OCIAD1: variants seen among roughly 807,000 people sequenced by gnomAD.
OCIAD1 encodes OCIA domain containing 1, also known as OCIA domain-containing protein 1.
Under a neutral mutation model 38.9 loss-of-function variants are expected in OCIAD1, and 29 were observed. The observed-to-expected ratio is 0.74, with a 90% CI of 0.55 to 1.02. OCIAD1 has a LOEUF of 1.02. OCIAD1 is among the 50% of genes least tolerant of loss of function. The pLI, the probability that OCIAD1 is intolerant of heterozygous loss-of-function variation, is 0.00. For missense variants in OCIAD1, 288 were observed against 289.6 expected (o/e 0.99, Z 0.04); for synonymous variants, 110 against 92.0 (o/e 1.20, Z -1.12).
At chr4:48,854,560 A>G (rs1779835598) in intron 7 of OCIAD1, among the ~76,000 whole-genome samples, 1 of 152,164 alleles carries the variant, frequency 6.6e-6, no homozygotes, top group Admixed American at 6.5e-5. Context: ...ATTCTGTTAT[A>G]TAGTTTTTTT....
At chr4:48,814,462 A>T (rs1411751223) in intron 1 of OCIAD1, among the ~76,000 whole-genome samples, 1 of 152,046 alleles carries the variant, frequency 6.6e-6, no homozygotes, top group Non-Finnish European at 1.5e-5. Context: ...GTTTGAATGC[A>T]ATACTCAGAA....
chr4:48,847,807 C>A (rs1267751121), intron 4 of OCIAD1, among the ~76,000 whole-genome samples: 1 of 152,162 alleles, frequency 6.6e-6, no homozygotes, highest in Non-Finnish European at 1.5e-5. Context: ...TGGTGGTAGT[C>A]AGTTCTATAA....
intron 1 of OCIAD1, among the ~76,000 whole-genome samples, chr4:48,806,292 A>G (rs2078819341): frequency 6.6e-6 from 1 of 152,190 alleles, no homozygotes; most frequent in African/African-American, 2.4e-5. Flanking sequence ...ATAAATTTGG[A>G]AAAACATTTT....
intron 1 of OCIAD1, among the ~76,000 whole-genome samples, chr4:48,817,254 C>CA (rs1480743095): frequency 6.6e-6 from 1 of 152,200 alleles, no homozygotes; most frequent in Non-Finnish European, 1.5e-5. Context: ...GGTTACTACA[C>CA]TTTTTCCACG....
At chr4:48,819,487 CAATT>C (rs1466308928) in intron 1 of OCIAD1, among the ~76,000 whole-genome samples, 2 of 151,984 alleles carry the variant, frequency 1.3e-5, no homozygotes, top group African/African-American at 4.8e-5. Flanking sequence ...GAAACTGCAT[CAATT>C]AATGTGCAAA....
chr4:48,849,491 C>T (rs1487906887), intron 5 of OCIAD1, among the ~76,000 whole-genome samples: 1 of 152,030 alleles, frequency 6.6e-6, no homozygotes, highest in Non-Finnish European at 1.5e-5. Flanking sequence ...CCTAATTTTA[C>T]TTTAAAACAA....
intron 1 of OCIAD1, among the ~76,000 whole-genome samples, chr4:48,808,184 C>A (rs1321441419): frequency 1.3e-5 from 2 of 152,040 alleles, no homozygotes; most frequent in Admixed American, 6.6e-5. Context: ...AGACATGGGG[C>A]TAGCCAAGTA....
rs1778627163 is a variant in OCIAD1 at position 48,842,507 on chromosome 4, G to A, written c.140-129G>A. On this transcript the variant is annotated intron_variant, in intron 3 of 8. Coordinates refer to ENST00000264312, the MANE Select transcript of OCIAD1 (RefSeq NM_017830.4). ...CAGTACAGCTTTTAAAAATGGAACA[G>A]TCTTTTTTAAAGGTCTTAGTTATGC... is the stretch of plus-strand genomic sequence containing the variant. 4.7e-6 allele frequency: 3 copies of A among 642,142 alleles called. No homozygotes were observed. In the African/African-American group the frequency reaches 5.7e-5, roughly 12 times the overall value. 39.8% of individuals were successfully genotyped at this position (642,142 alleles called of 1,614,324 possible). A position where few individuals can be genotyped will look rare whatever the true frequency, so the allele number is the denominator to read the frequency against.
intron 3 of OCIAD1, among the ~76,000 whole-genome samples, chr4:48,839,435 C>CAAA (rs34347200): frequency 0.014 from 1,722 of 119,090 alleles, 28 homozygotes; most frequent in Non-Finnish European, 0.018. Context: ...GACTTCATCT[C>CAAA]AAAAAAAAAA....
intron 6 of OCIAD1, 106 bp downstream of exon 6, chr4:48,850,188 C>A: frequency 1.7e-6 from 2 of 1,177,988 alleles, no homozygotes; most frequent in Non-Finnish European, 2.5e-6. Context: ...CCACTGGATA[C>A]TTGCCATTTG....
intron 1 of OCIAD1, among the ~76,000 whole-genome samples, chr4:48,806,407 T>C (rs1174482368): frequency 6.6e-6 from 1 of 152,224 alleles, no homozygotes; most frequent in Non-Finnish European, 1.5e-5. Flanking sequence ...AAAATCACTT[T>C]TATGATTTTT....
Position 48,831,177 on chromosome 4 carries a change from G to A in OCIAD1, c.-78G>A. The A allele has an allele frequency of 3.3e-6, 1 of 305,896 alleles. No individual in the cohort carries two copies. The highest frequency in any genetic ancestry group is 2.6e-5 in the South Asian group (1 of 38,258). The allele number at this position is 305,896 out of a possible 1,614,324, so 18.9% of individuals were successfully genotyped here. A position where few individuals can be genotyped will look rare whatever the true frequency, so the allele number is the denominator to read the frequency against. On this transcript the variant is annotated 5_prime_UTR_variant, in exon 1 of 9. Transcript: ENST00000264312. The stretch of plus-strand genomic sequence containing the variant: ...CTTTTCTCCCTCCCTGCCCCCTCTC[G>A]AGTCCACCCTCCGGGCCTTCTGCCC...
At chr4:48,828,100 T>C (rs1324510029), upstream of OCIAD1, among the ~76,000 whole-genome samples, 4 of 152,138 alleles carry the variant, frequency 2.6e-5, no homozygotes, top group African/African-American at 7.2e-5. Flanking sequence ...TAGTGGGGAC[T>C]TGGAGAACTT....
rs751577902 is a variant in OCIAD1 at position 48,857,239 on chromosome 4, C to G, written c.574C>G (p.Pro192Ala). 2 of 1,553,972 alleles carry G rather than the reference C, an allele frequency of 1.3e-6. No homozygotes were observed. Among genetic ancestry groups the G allele is most frequent in the Non-Finnish European group, 1.7e-6 (2 of 1,152,110 alleles). The change falls in exon 8 of 9, where the codon CCT becomes GCT. Residue 192 changes from proline (P) to alanine (A), a missense_variant. Transcript: ENST00000264312. ...ACCTGATCCCAACCTTGAAGAAAGTCCTAAAAGAAAAAATATTACATATGA... is the reference window on the plus strand; with the variant it reads ...ACCTGATCCCAACCTTGAAGAAAGTGCTAAAAGAAAAAATATTACATATGA... ...QGPDPNLEES[P>A]KRKNITYEEL...
At position 48,860,779 on chromosome 4, in the gene OCIAD1, A is replaced by G; in HGVS notation, c.*17A>G. 2.5e-6 allele frequency: 4 copies of G among 1,593,322 alleles called. No individual in the cohort carries two copies. Among genetic ancestry groups the G allele is most frequent in the African/African-American group, 2.7e-5 (2 of 74,462 alleles). On this transcript the variant is annotated 3_prime_UTR_variant, in exon 9 of 9. Transcript: ENST00000264312. ...GATGAGTGAAAAATTACATCATTGG[A>G]CATGAAGGAGTTTCAACATCCAGCT...
At chr4:48,819,263 C>T (rs1777168640) in intron 1 of OCIAD1, among the ~76,000 whole-genome samples, 1 of 151,782 alleles carries the variant, frequency 6.6e-6, no homozygotes, top group South Asian at 2.1e-4. Context: ...AGAGTGCAGG[C>T]CAACATTCAG....
chr4:48,848,738 G>A (rs1489442203), intron 5 of OCIAD1: 1 of 201,742 alleles, frequency 5.0e-6, no homozygotes, highest in Non-Finnish European at 9.8e-6. Flanking sequence ...GTCTGTCTAT[G>A]GGGAAACAAA....
At position 48,848,066 on chromosome 4, in the gene OCIAD1, C is replaced by T. The variant is rs115250545; in HGVS notation, c.194-333C>T. Among the ~76,000 whole-genome samples, 821 of 149,510 alleles carry T rather than the reference C, an allele frequency of 5.5e-3. 2 individuals are homozygous for T. The highest frequency in any genetic ancestry group is 8.8e-3 in the Non-Finnish European group (591 of 67,398). On this transcript the variant is annotated intron_variant, in intron 4 of 8. Transcript: ENST00000264312. The stretch of plus-strand genomic sequence containing the variant: ...GTTTTGAGCGTTTTTTTTTTTGGTG[C>T]TATAATTAATTCTGTCTTCTAAAAA...
intron 3 of OCIAD1, among the ~76,000 whole-genome samples, chr4:48,836,619 T>C (rs1778012773): frequency 6.6e-6 from 1 of 152,118 alleles, no homozygotes; most frequent in Non-Finnish European, 1.5e-5. Flanking sequence ...ATACTTAGGA[T>C]TGATAGAATA....
Sources: allele counts gnomAD v4.1 joint callset (sites outside exome capture counted in the v4.1 genomes callset), GRCh38; gene constraint gnomAD v4.1.1; transcripts MANE v1.5; gene names NCBI Gene and HGNC (gene_info 2026-07-23, HGNC 2026-07-21).